The following EPS8 variants were observed in gnomAD, a reference collection of about 807,000 sequenced individuals.
EPS8 encodes epidermal growth factor receptor kinase substrate 8.
In EPS8, 42 loss-of-function variants were observed where a neutral mutation model predicts 103.8. The observed-to-expected ratio is 0.40, with a 90% CI of 0.32 to 0.52. The LOEUF (loss-of-function observed/expected upper bound fraction) is 0.52, where lower values mean the gene tolerates loss of function less well. Ranked by LOEUF, EPS8 falls within the 20% of genes least tolerant of loss-of-function variation. EPS8 has a pLI of 0.40. For synonymous variants in EPS8, 344 were observed against 344.6 expected (o/e 1.00, Z 0.02); for missense variants, 969 against 1,005.1 (o/e 0.96, Z 0.49).
rs1946307010 is a variant in EPS8, at chr12:15,701,157, CTG to C, written c.-21-18187_-21-18186del. 1.3e-5 allele frequency among the ~76,000 whole-genome samples: 2 copies of C among 152,172 alleles called. No individual in the cohort carries two copies. The highest frequency in any genetic ancestry group is 2.9e-5 in the Non-Finnish European group (2 of 68,038). On this transcript the variant is annotated intron_variant, in intron 1 of 20. Transcript: ENST00000281172. This position sits in a 1 kb window ranked among gnomAD's most constrained non-coding sequence, Gnocchi z 5.1. Reference sequence around the variant, plus strand: ...TAATTCTTTTCTCTCTCTGAATCAACTGTGTCACCAATATTTAATAATAATTT... The same window carrying C: ...TAATTCTTTTCTCTCTCTGAATCAACTGTCACCAATATTTAATAATAATTT...
intron 1 of EPS8, among the ~76,000 whole-genome samples, chr12:15,722,664 G>C (rs1190916119): frequency 6.6e-6 from 1 of 152,166 alleles, no homozygotes; most frequent in Admixed American, 6.5e-5. Context: ...CACAGCAAAG[G>C]CTGGAAAGTC....
Position 15,728,336 on chromosome 12 carries a change from G to T in EPS8, c.-21-45364C>A, listed in dbSNP as rs1181133666. 1 of 152,158 alleles carries T rather than the reference G, an allele frequency of 6.6e-6. No homozygotes were observed. Among genetic ancestry groups the T allele is most frequent in the Non-Finnish European group, 1.5e-5 (1 of 68,036 alleles). The allele number at this position is 152,158 out of a possible 1,614,324, so 9.4% of individuals were successfully genotyped here. Reference sequence around the variant, plus strand: ...GGGGGGGTGCCTTGTGGGTGTATGTGTGTATATAACTTATCCAGTGTCCTT... The same window carrying T: ...GGGGGGGTGCCTTGTGGGTGTATGTTTGTATATAACTTATCCAGTGTCCTT... On this transcript the variant is annotated intron_variant, in intron 1 of 20. Transcript: ENST00000281172. This position sits in a 1 kb window ranked among gnomAD's most constrained non-coding sequence, Gnocchi z 4.5.
In EPS8 at chr12:15,764,251, C is replaced by T. The variant is rs150132168; in HGVS notation, c.-22+24910G>A. 2.3e-4 allele frequency among the ~76,000 whole-genome samples: 35 copies of T among 152,258 alleles called. No homozygotes were observed. The East Asian group carries it at 6.4e-3, about 28-fold the overall frequency. ...GAACAGCACCACGGGAAAGACCCACCCCCATGATTCAGTTACCTCCCACCG... is the reference window on the plus strand; with the variant it reads ...GAACAGCACCACGGGAAAGACCCACTCCCATGATTCAGTTACCTCCCACCG... On this transcript the variant is annotated intron_variant, in intron 1 of 20. Transcript: ENST00000281172. The surrounding 1 kb of genome is among the most constrained non-coding windows in gnomAD (Gnocchi z 4.1).
chr12:15,744,117 T>G (rs1946851853), intron 1 of EPS8, among the ~76,000 whole-genome samples: 1 of 152,312 alleles, frequency 6.6e-6, no homozygotes, highest in South Asian at 2.1e-4. Flanking sequence ...GAACTGACAC[T>G]TCTCAAAAGA....
chr12:15,653,190 C>T (rs113929312), intron 13 of EPS8, among the ~76,000 whole-genome samples: 8 of 152,304 alleles, frequency 5.3e-5, no homozygotes, highest in East Asian at 1.9e-4. Context: ...GCCTCTCCTA[C>T]GATATTAGCA....
intron 17 of EPS8, among the ~76,000 whole-genome samples, chr12:15,633,597 C>T (rs1229463918): frequency 6.6e-6 from 1 of 152,114 alleles, no homozygotes; most frequent in African/African-American, 2.4e-5. Context: ...TCATTCATGC[C>T]ATTGTTACAT....
chr12:15,729,657 C>T (rs1354527820), intron 1 of EPS8, among the ~76,000 whole-genome samples: 1 of 152,044 alleles, frequency 6.6e-6, no homozygotes, highest in African/African-American at 2.4e-5. Flanking sequence ...TATTTTTTAT[C>T]TCCCTTGAAA....
At chr12:15,703,322 A>G (rs1156422131) in intron 1 of EPS8, among the ~76,000 whole-genome samples, 1 of 152,168 alleles carries the variant, frequency 6.6e-6, no homozygotes, top group Non-Finnish European at 1.5e-5. Flanking sequence ...AGATAATTAC[A>G]ATGCATTTTA....
At position 15,725,333 on chromosome 12, in the gene EPS8, G is replaced by A. The variant is rs1223026279; in HGVS notation, c.-21-42361C>T. Among the ~76,000 whole-genome samples, 1 of 152,000 alleles carries A rather than the reference G, an allele frequency of 6.6e-6. No homozygotes were observed. The highest frequency in any genetic ancestry group is 1.5e-5 in the Non-Finnish European group (1 of 67,992). The stretch of plus-strand genomic sequence containing the variant: ...CTCCGGAAAAGTCATGTAGCTGGTT[G>A]CAGTGGCTCACACCTGTAATCCCAG... On this transcript the variant is annotated intron_variant, in intron 1 of 20. Transcript: ENST00000281172. This position sits in a 1 kb window ranked among gnomAD's most constrained non-coding sequence, Gnocchi z 4.5.
At chr12:15,744,937 G>A (rs1373719974) in intron 1 of EPS8, among the ~76,000 whole-genome samples, 3 of 151,886 alleles carry the variant, frequency 2.0e-5, no homozygotes, top group African/African-American at 4.8e-5. Flanking sequence ...GTGCAGTGGC[G>A]CGATCTCGGC....
rs745896272 is a variant in EPS8, at chr12:15,731,728, G to A, written c.-21-48756C>T. ...CATAAAAATATTTCATTTTGTCTTC[G>A]TGTAAGGGTCAATAATTTCAATCAT... is the stretch of plus-strand genomic sequence containing the variant. On this transcript the variant is annotated intron_variant, in intron 1 of 20. Coordinates refer to ENST00000281172, the MANE Select transcript of EPS8 (RefSeq NM_004447.6). This position sits in a 1 kb window ranked among gnomAD's most constrained non-coding sequence, Gnocchi z 5.1. Among the ~76,000 whole-genome samples the A allele has an allele frequency of 5.3e-5, 8 of 152,044 alleles. No individual in the cohort carries two copies. Among genetic ancestry groups the A allele is most frequent in the Non-Finnish European group, 1.0e-4 (7 of 68,024 alleles).
At position 15,696,510 on chromosome 12, in the gene EPS8, A is replaced by G. The variant is rs967905727; in HGVS notation, c.-21-13538T>C. On this transcript the variant is annotated intron_variant, in intron 1 of 20. Transcript: ENST00000281172. This position sits in a 1 kb window ranked among gnomAD's most constrained non-coding sequence, Gnocchi z 4.8. ...CAAAAAATTAGCTGGGCATGATGAC[A>G]TATACCTGTAATCCCAGCTACTCGG... Among the ~76,000 whole-genome samples, 5 of 152,030 alleles carry G rather than the reference A, an allele frequency of 3.3e-5. No individual in the cohort carries two copies. The highest frequency in any genetic ancestry group is 1.2e-4 in the African/African-American group (5 of 41,384).
At chr12:15,711,054 T>A (rs1337285574) in intron 1 of EPS8, among the ~76,000 whole-genome samples, 2 of 149,806 alleles carry the variant, frequency 1.3e-5, no homozygotes, top group Non-Finnish European at 3.0e-5. Context: ...ATTTATTTAT[T>A]TATTTATTTA....
Position 15,770,304 on chromosome 12 carries a change from AG to A in EPS8, c.-22+18856del, listed in dbSNP as rs1372363077. 1.1e-3 allele frequency among the ~76,000 whole-genome samples: 151 copies of A among 137,602 alleles called. 2 individuals are homozygous for A. The East Asian group carries it at 0.03, about 28-fold the overall frequency. 90.3% of individuals were successfully genotyped at this position (137,602 alleles called of 152,430 possible). ...ACCCTGTCTCAAAAAAAAAAAAAAA[AG>A]AAGAAGAAGGGAAAGGGAAAAAGAA... On this transcript the variant is annotated intron_variant, in intron 1 of 20. Transcript: ENST00000281172.
chr12:15,783,788 A>G (rs1947284010), intron 1 of EPS8, among the ~76,000 whole-genome samples: 1 of 151,978 alleles, frequency 6.6e-6, no homozygotes, highest in South Asian at 2.1e-4. Context: ...CACACAGTAC[A>G]TGCTGTATTA....
chr12:15,788,311 C>T (rs1947330277), intron 1 of EPS8, among the ~76,000 whole-genome samples: 1 of 152,174 alleles, frequency 6.6e-6, no homozygotes, highest in Non-Finnish European at 1.5e-5. Flanking sequence ...ATTCTAATTC[C>T]TAATCCTTCA....
Position 15,666,584 on chromosome 12 carries a change from T to A in EPS8, c.517-62A>T. Reference sequence around the variant, plus strand: ...TTTTTCTGAGTCTTGATATGTAGTTTAAAACAGAAAAAGGGATTGTTCCTT... The same window carrying A: ...TTTTTCTGAGTCTTGATATGTAGTTAAAAACAGAAAAAGGGATTGTTCCTT... On this transcript the variant is annotated intron_variant, in intron 6 of 20. Coordinates refer to ENST00000281172, the MANE Select transcript of EPS8 (RefSeq NM_004447.6). 5.1e-6 allele frequency: 6 copies of A among 1,181,696 alleles called. No homozygotes were observed. In the Admixed American group the frequency reaches 7.3e-5, roughly 14 times the overall value. The allele number at this position is 1,181,696 out of a possible 1,614,324, so 73.2% of individuals were successfully genotyped here. A position where few individuals can be genotyped will look rare whatever the true frequency, so the allele number is the denominator to read the frequency against.
chr12:15,649,971 A>C (rs1324453302), intron 14 of EPS8, among the ~76,000 whole-genome samples: 1 of 152,154 alleles, frequency 6.6e-6, no homozygotes, highest in Non-Finnish European at 1.5e-5. Context: ...GATCTCATTC[A>C]CCTAACTCTT....
At chr12:15,750,070 G>A (rs980168448) in intron 1 of EPS8, among the ~76,000 whole-genome samples, 6 of 152,258 alleles carry the variant, frequency 3.9e-5, no homozygotes, top group African/African-American at 1.4e-4. Context: ...GTGCTTGGAT[G>A]AAGATAAGAA....
Sources: allele counts gnomAD v4.1 joint callset (sites outside exome capture counted in the v4.1 genomes callset), GRCh38; gene constraint gnomAD v4.1.1; non-coding constraint Gnocchi (gnomAD v3.1); transcripts MANE v1.5; gene names NCBI Gene and HGNC (gene_info 2026-07-23, HGNC 2026-07-21).